The following ARMH3 variants were observed in gnomAD, a reference collection of about 807,000 sequenced individuals.
The protein encoded by ARMH3 is armadillo like helical domain containing 3, also known as armadillo-like helical domain-containing protein 3.
In ARMH3, 60 loss-of-function variants were observed where a neutral mutation model predicts 99.1. That is an observed-to-expected ratio of 0.61 (90% confidence interval 0.49 to 0.75). The LOEUF is 0.75. Among genes scored for constraint, ARMH3 ranks in the 30% least tolerant of loss-of-function variants. The pLI is 0.00. For synonymous variants in ARMH3, 285 were observed against 292.8 expected (o/e 0.97, Z 0.27); for missense variants, 679 against 843.1 (o/e 0.81, Z 2.41).
At chr10:102,018,935 C>A (rs1199574634) in intron 8 of ARMH3, among the ~76,000 whole-genome samples, 1 of 151,720 alleles carries the variant, frequency 6.6e-6, no homozygotes, top group Non-Finnish European at 1.5e-5. Flanking sequence ...CCATCCTGGG[C>A]AACGGAGTGA....
chr10:101,997,317 C>T (rs912135263), intron 15 of ARMH3, among the ~76,000 whole-genome samples: 4 of 150,852 alleles, frequency 2.7e-5, no homozygotes, highest in African/African-American at 7.3e-5. Context: ...TTCTGGGCCA[C>T]GCGTGGTGGC....
At chr10:101,864,078 A>AACACACACAC (rs71016353) in intron 24 of ARMH3, among the ~76,000 whole-genome samples, 67 of 106,272 alleles carry the variant, frequency 6.3e-4, no homozygotes, top group Non-Finnish European at 8.2e-4. Context: ...AAAAAAAAAA[A>AACACACACAC]ACACACACAC....
chr10:102,009,244 A>T (rs1438350897), intron 13 of ARMH3, 130 bp downstream of exon 13: 1 of 790,756 alleles, frequency 1.3e-6, no homozygotes, highest in Non-Finnish European at 2.1e-6. Context: ...AACTGATTCA[A>T]CTCCTTGTTA....
At chr10:102,019,083 C>G (rs1028011461) in intron 8 of ARMH3, among the ~76,000 whole-genome samples, 8 of 151,650 alleles carry the variant, frequency 5.3e-5, no homozygotes, top group African/African-American at 1.9e-4. Flanking sequence ...GAATTTTGCT[C>G]TTTCACTCAG....
At chr10:102,029,883 AGT>A in intron 4 of ARMH3, 138 bp from the exon 5 acceptor site, 1 of 850,016 alleles carries the variant, frequency 1.2e-6, no homozygotes, top group African/African-American at 1.7e-5. Flanking sequence ...ACACAGTCTG[AGT>A]TTTTTTGGTT....
intron 23 of ARMH3, among the ~76,000 whole-genome samples, chr10:101,932,872 C>A (rs1432427580): frequency 2.0e-5 from 3 of 152,154 alleles, no homozygotes; most frequent in Admixed American, 6.5e-5. Flanking sequence ...ATGTACTTAC[C>A]ATTAAACTGT....
chr10:102,046,969 GT>G (rs1202888548), intron 1 of ARMH3, among the ~76,000 whole-genome samples: 19 of 152,186 alleles, frequency 1.2e-4, no homozygotes, highest in African/African-American at 4.6e-4. Context: ...ATGGTAGAAA[GT>G]AAAAGATAAT....
chr10:101,936,763 C>T (rs1843998533), intron 23 of ARMH3, among the ~76,000 whole-genome samples: 1 of 152,080 alleles, frequency 6.6e-6, no homozygotes, highest in South Asian at 2.1e-4. Flanking sequence ...CTCAAGTGTC[C>T]ATCAACGGAT....
At chr10:101,915,276 T>C (rs983576957) in intron 23 of ARMH3, among the ~76,000 whole-genome samples, 1 of 152,196 alleles carries the variant, frequency 6.6e-6, no homozygotes, top group Non-Finnish European at 1.5e-5. Flanking sequence ...CTGAAAATCA[T>C]TCAGCTGAAA....
intron 10 of ARMH3, among the ~76,000 whole-genome samples, chr10:102,012,149 G>A (rs2066644355): frequency 6.6e-6 from 1 of 152,172 alleles, no homozygotes; most frequent in African/African-American, 2.4e-5. Context: ...TAAAGGAGGA[G>A]GAAGGAAATC....
intron 23 of ARMH3, among the ~76,000 whole-genome samples, chr10:101,895,848 AT>A (rs2067818809): frequency 6.6e-6 from 1 of 152,352 alleles, no homozygotes; most frequent in African/African-American, 2.4e-5. Context: ...AAATAATACA[AT>A]TTTTAAAAGA....
At chr10:101,906,464 G>C (rs1400512335) in intron 23 of ARMH3, among the ~76,000 whole-genome samples, 1 of 152,178 alleles carries the variant, frequency 6.6e-6, no homozygotes, top group Non-Finnish European at 1.5e-5. Flanking sequence ...AAGGCAAAAA[G>C]AACAGTTAGG....
chr10:102,041,088 ATAATATAT>A (rs944721573), intron 1 of ARMH3, among the ~76,000 whole-genome samples: 6 of 133,066 alleles, frequency 4.5e-5, no homozygotes, highest in Non-Finnish European at 6.5e-5. Context: ...ATATATATAT[ATAATATAT>A]ATATATATAT....
chr10:101,891,266 G>A (rs2067684683), intron 23 of ARMH3, among the ~76,000 whole-genome samples: 1 of 151,668 alleles, frequency 6.6e-6, no homozygotes, highest in South Asian at 2.1e-4. Context: ...TGCGATCTCA[G>A]CTCCCTGCAA....
intron 14 of ARMH3, among the ~76,000 whole-genome samples, chr10:102,002,938 G>T (rs2066396815): frequency 6.7e-6 from 1 of 150,278 alleles, no homozygotes; most frequent in African/African-American, 2.5e-5. Context: ...TCCAGCCTGG[G>T]TGACACAGCG....
intron 22 of ARMH3, among the ~76,000 whole-genome samples, chr10:101,943,592 A>T (rs1361863976): frequency 4.6e-5 from 7 of 152,248 alleles, no homozygotes; most frequent in Admixed American, 2.6e-4. Flanking sequence ...CATCCACATC[A>T]TAAAAATCAC....
chr10:102,044,088 TTTC>T (rs1197068546), intron 1 of ARMH3, among the ~76,000 whole-genome samples: 22 of 150,950 alleles, frequency 1.5e-4, no homozygotes, highest in Middle Eastern at 3.2e-3. Context: ...AGCTAATTTT[TTTC>T]TTTTTTTTTT....
intron 22 of ARMH3, among the ~76,000 whole-genome samples, chr10:101,946,198 A>G (rs987459682): frequency 6.6e-6 from 1 of 151,996 alleles, no homozygotes; most frequent in Non-Finnish European, 1.5e-5. Context: ...CAAAAAACAG[A>G]TATCTGAGAT....
chr10:101,956,651 G>C lies in ARMH3; in HGVS notation c.1651C>G (p.Leu551Val), dbSNP rs746236094. ...TGCATGCGGATAATCTCATAGTAAA[G>C]TTCATCATAGCTGCTGGGGGTTGGC... The part of the protein sequence containing the change: ...FLPTPSSYDE[L>V]YYEIIRMHQS... Residue 551 changes from leucine to valine, a missense_variant, in exon 22 of 26, where the codon CTT becomes GTT. Coordinates refer to ENST00000370033, the MANE Select transcript of ARMH3 (RefSeq NM_024541.3). The C allele has an allele frequency of 6.2e-7, 1 of 1,613,794 alleles. No individual in the cohort carries two copies. The highest frequency in any genetic ancestry group is 1.7e-5 in the Admixed American group (1 of 60,018).
Sources: allele counts gnomAD v4.1 joint callset (sites outside exome capture counted in the v4.1 genomes callset), GRCh38; gene constraint gnomAD v4.1.1; transcripts MANE v1.5; gene names NCBI Gene and HGNC (gene_info 2026-07-23, HGNC 2026-07-21).